The following SUGP1 variants were observed in gnomAD, a reference collection of about 807,000 sequenced individuals.
SUGP1 encodes the protein SURP and G-patch domain containing 1.
Under a neutral mutation model 76.5 loss-of-function variants are expected in SUGP1, and 34 were observed. That is an observed-to-expected ratio of 0.44 (90% CI 0.34 to 0.59). The LOEUF is 0.59. SUGP1 is among the 20% of genes least tolerant of loss of function. The probability of loss-of-function intolerance (pLI) is 0.01; values close to 1 mark genes in which losing one functional copy is unlikely to be tolerated. For synonymous variants in SUGP1, 326 were observed against 326.2 expected (o/e 1.00, Z 0.01); for missense variants, 752 against 851.7 (o/e 0.88, Z 1.46).
At chr19:19,316,192 G>A in intron 2 of SUGP1, 1 of 563,512 alleles carries the variant, frequency 1.8e-6, no homozygotes, top group Non-Finnish European at 3.1e-6. Context: ...CTGGCTGGCA[G>A]TAAATAACTG....
chr19:19,285,960 CCT>C (rs2061137055), intron 8 of SUGP1, among the ~76,000 whole-genome samples: 1 of 152,136 alleles, frequency 6.6e-6, no homozygotes, highest in South Asian at 2.1e-4. Flanking sequence ...GCTGCTAACC[CCT>C]GAGTCTTAAA....
chr19:19,299,944 A>G (rs1488896798), intron 7 of SUGP1, among the ~76,000 whole-genome samples: 1 of 151,286 alleles, frequency 6.6e-6, no homozygotes, highest in Non-Finnish European at 1.5e-5. Flanking sequence ...GGCATGCGCT[A>G]ATTTTGTATT....
intron 8 of SUGP1, chr19:19,280,812 C>A (rs1263787038): frequency 1.3e-5 from 2 of 152,924 alleles, no homozygotes; most frequent in African/African-American, 4.8e-5. Flanking sequence ...CTCAGAGCAG[C>A]TGACATTTAA....
At chr19:19,276,752 GA>G in intron 13 of SUGP1, 78 bp from the exon 14 acceptor site, 1 of 1,603,822 alleles carries the variant, frequency 6.2e-7, no homozygotes, top group Non-Finnish European at 8.5e-7. Flanking sequence ...GAACCTTCCG[GA>G]GGCAGCTGAG....
intron 2 of SUGP1, among the ~76,000 whole-genome samples, chr19:19,315,560 C>T (rs1032699559): frequency 1.3e-5 from 2 of 152,198 alleles, no homozygotes; most frequent in Admixed American, 1.3e-4. Flanking sequence ...CTATCATCCA[C>T]CTGCCATCCA....
rs1490486450 is a variant in SUGP1 at position 19,320,458 on chromosome 19, G to A, written c.34+5C>T. On this transcript the variant is annotated splice_donor_5th_base_variant and intron_variant, in intron 1 of 13. Transcript: ENST00000247001. The stretch of plus-strand genomic sequence containing the variant: ...GGCCGCCTGAGAGGAGGCGGGGGCT[G>A]TTACCTGCAACATCCCGGTTGTCCA... The A allele has an allele frequency of 3.1e-6, 5 of 1,610,082 alleles. No individual in the cohort carries two copies. The highest frequency in any genetic ancestry group is 2.7e-5 in the African/African-American group (2 of 74,770).
intron 8 of SUGP1, among the ~76,000 whole-genome samples, chr19:19,283,643 A>G (rs2061117401): frequency 6.6e-6 from 1 of 152,188 alleles, no homozygotes; most frequent in Non-Finnish European, 1.5e-5. Context: ...TTTAGTAGAG[A>G]CAGGTTTCAG....
At chr19:19,278,520 C>G (rs2061071748) in intron 11 of SUGP1, among the ~76,000 whole-genome samples, 170 bp downstream of exon 11, 1 of 152,210 alleles carries the variant, frequency 6.6e-6, no homozygotes, top group Non-Finnish European at 1.5e-5. Context: ...TTTGCTAATT[C>G]CCTACACAGA....
intron 4 of SUGP1, among the ~76,000 whole-genome samples, chr19:19,305,058 G>A (rs1288367347): frequency 6.6e-6 from 1 of 152,132 alleles, no homozygotes; most frequent in Non-Finnish European, 1.5e-5. Flanking sequence ...AGCTGCTGGG[G>A]CACCCCTTTA....
chr19:19,300,131 A>G (rs1190193220), intron 7 of SUGP1, among the ~76,000 whole-genome samples: 3 of 151,774 alleles, frequency 2.0e-5, no homozygotes, highest in Non-Finnish European at 2.9e-5. Context: ...GCTGAAGTGC[A>G]ATGGCATCAT....
At position 19,297,305 on chromosome 19, in the gene SUGP1, G is replaced by A; in HGVS notation, c.927C>T (p.Tyr309=). The A allele has an allele frequency of 6.5e-7, 1 of 1,539,812 alleles. No individual in the cohort carries two copies. The change falls in exon 8 of 14, where the codon TAC becomes TAT. Residue 309 remains tyrosine (Y), a synonymous_variant. Coordinates refer to ENST00000247001, the MANE Select transcript of SUGP1 (RefSeq NM_172231.4). The part of the protein sequence containing the change: ...YEPNSQGYKY[Y]RQKLEEFRKA... ...TCCGGAACTCCTCCAGCTTCTGTCG[G>A]TAGTACTTGTACCCTTGGCTATTGG...
intron 3 of SUGP1, 139 bp from the exon 4 acceptor site, chr19:19,306,215 T>C: frequency 2.6e-6 from 2 of 766,094 alleles, no homozygotes; most frequent in Non-Finnish European, 4.0e-6. Context: ...GAGGCCACCC[T>C]GATTTTACAG....
intron 8 of SUGP1, among the ~76,000 whole-genome samples, chr19:19,282,863 G>A (rs1023763278): frequency 1.3e-5 from 2 of 152,060 alleles, no homozygotes; most frequent in African/African-American, 4.8e-5. Flanking sequence ...GGATCACAAG[G>A]TCAGAAGATC....
intron 8 of SUGP1, among the ~76,000 whole-genome samples, chr19:19,290,439 T>C (rs1425890342): frequency 1.4e-4 from 22 of 151,994 alleles, no homozygotes; most frequent in Admixed American, 1.4e-3. Flanking sequence ...AGGCCAGGAG[T>C]GCGAGACCAG....
intron 8 of SUGP1, among the ~76,000 whole-genome samples, chr19:19,289,640 C>G (rs547909159): frequency 3.6e-4 from 54 of 151,964 alleles, no homozygotes; most frequent in Admixed American, 1.0e-3. Context: ...CCCAGCTACT[C>G]GGGAGACTGA....
chr19:19,277,080 C>T lies in SUGP1; in HGVS notation c.1782-4G>A, dbSNP rs2146586685. 6.2e-7 allele frequency: 1 copy of T among 1,607,916 alleles called. No individual in the cohort carries two copies. The highest frequency in any genetic ancestry group is 8.5e-7 in the Non-Finnish European group (1 of 1,179,030). ...GCCGTCCACTGTGGTGGTGCCCCTA[C>T]AGGGAGAAGAGGATGTGAGCAGGGA... is the stretch of plus-strand genomic sequence containing the variant. On this transcript the variant is annotated splice_region_variant and splice_polypyrimidine_tract_variant and intron_variant, in intron 12 of 13. Coordinates refer to ENST00000247001, the MANE Select transcript of SUGP1 (RefSeq NM_172231.4).
chr19:19,308,978 T>C (rs1156505499), intron 3 of SUGP1, among the ~76,000 whole-genome samples: 1 of 152,112 alleles, frequency 6.6e-6, no homozygotes, highest in African/African-American at 2.4e-5. Flanking sequence ...CCGATTCCCC[T>C]GCCTCAGCCT....
intron 3 of SUGP1, among the ~76,000 whole-genome samples, chr19:19,309,263 T>C (rs2061337585): frequency 6.6e-6 from 1 of 152,086 alleles, no homozygotes; most frequent in African/African-American, 2.4e-5. Context: ...GACAGGTGGA[T>C]TGCTTGAGCT....
chr19:19,288,942 T>C (rs1319357667), intron 8 of SUGP1, among the ~76,000 whole-genome samples: 1 of 151,926 alleles, frequency 6.6e-6, no homozygotes, highest in Non-Finnish European at 1.5e-5. Flanking sequence ...TGTGCCACCA[T>C]GCCCGGCTAA....
Sources: gnomAD v4.1 joint callset for allele counts (sites outside exome capture counted in the v4.1 genomes callset) on GRCh38, gnomAD v4.1.1 for gene constraint, MANE v1.5 for transcripts, NCBI Gene and HGNC (gene_info 2026-07-23, HGNC 2026-07-21) for gene names.